Variants in YAF2 observed in about 807,000 individuals in gnomAD.
YAF2 encodes the protein YY1-associated factor 2.
In YAF2, 7 loss-of-function variants were observed where a neutral mutation model predicts 20.1. That is an observed-to-expected ratio of 0.35 (90% CI 0.20 to 0.65). The LOEUF is 0.65. Among genes scored for constraint, YAF2 ranks in the 30% least tolerant of loss-of-function variants. YAF2 has a pLI of 0.69. For synonymous variants in YAF2, 74 were observed against 76.0 expected (o/e 0.97, Z 0.14); for missense variants, 151 against 219.2 (o/e 0.69, Z 1.96).
chr12:42,161,957 GAACA>G (rs1206277832), intron 2 of YAF2, among the ~76,000 whole-genome samples, 192 bp from the exon 3 acceptor site: 1 of 151,934 alleles, frequency 6.6e-6, no homozygotes, highest in Non-Finnish European at 1.5e-5. Context: ...AACAAAAATG[GAACA>G]AACTATAACA....
intron 2 of YAF2, among the ~76,000 whole-genome samples, chr12:42,203,323 C>T (rs145290863): frequency 1.1e-4 from 16 of 152,148 alleles, no homozygotes; most frequent in East Asian, 3.9e-4. Context: ...TATCCAGCAA[C>T]GCTGAATTAT....
chr12:42,220,939 C>T (rs112005724), intron 2 of YAF2, among the ~76,000 whole-genome samples: 2 of 151,906 alleles, frequency 1.3e-5, no homozygotes, highest in Non-Finnish European at 2.9e-5. Context: ...TGGTATTTCT[C>T]CTGAGAAACA....
chr12:42,182,022 T>TA (rs2066354465), intron 2 of YAF2, among the ~76,000 whole-genome samples: 1 of 152,146 alleles, frequency 6.6e-6, no homozygotes, highest in Non-Finnish European at 1.5e-5. Context: ...AGTTTTTGAA[T>TA]AATTTTCAAC....
chr12:42,175,740 C>CAAAAAAGAAAAAAAAAAAAAAAAAAAA (rs2066168653), intron 2 of YAF2, among the ~76,000 whole-genome samples: 1 of 45,016 alleles, frequency 2.2e-5, no homozygotes, highest in Non-Finnish European at 4.2e-5. Flanking sequence ...GACTCTGTCT[C>CAAAAAAGAAAAAAAAAAAAAAAAAAAA]AAAAAAAAAA....
At chr12:42,170,742 G>A (rs750428372) in intron 2 of YAF2, among the ~76,000 whole-genome samples, 1 of 152,162 alleles carries the variant, frequency 6.6e-6, no homozygotes, top group Non-Finnish European at 1.5e-5. Context: ...GCTACTGGGA[G>A]TAAGGGACAG....
In YAF2 at chr12:42,233,725, TTGGTCTCAAACTCC is replaced by T. The variant is rs1216075829; in HGVS notation, c.152+3860_152+3873del. The T allele has an allele frequency of 1.1e-4, 104 of 923,802 alleles. 2 individuals carry two copies. In the African/African-American group the frequency reaches 1.8e-3, roughly 16 times the overall value. The allele number at this position is 923,802 out of a possible 1,614,324, so 57.2% of individuals were successfully genotyped here. Reference sequence around the variant, plus strand: ...ACGAGATCTCACTGTGTTGCCCAGGTTGGTCTCAAACTCCTGGCCTCAAGAAATCCTCCTGTCTC... The same window carrying T: ...ACGAGATCTCACTGTGTTGCCCAGGTTGGCCTCAAGAAATCCTCCTGTCTC... On this transcript the variant is annotated intron_variant, in intron 2 of 3. Coordinates refer to ENST00000534854, the MANE Select transcript of YAF2 (RefSeq NM_005748.6).
intron 2 of YAF2, among the ~76,000 whole-genome samples, chr12:42,236,199 A>G (rs1157063454): frequency 2.6e-5 from 4 of 152,264 alleles, no homozygotes; most frequent in Non-Finnish European, 4.4e-5. Context: ...AAGTACTAAC[A>G]CAGATACACA....
At chr12:42,174,667 G>C (rs546802000) in intron 2 of YAF2, among the ~76,000 whole-genome samples, 1 of 152,194 alleles carries the variant, frequency 6.6e-6, no homozygotes, top group East Asian at 1.9e-4. Flanking sequence ...TTTTATGCAT[G>C]CTAAAAGCAC....
chr12:42,171,538 T>C (rs7965273), intron 2 of YAF2, among the ~76,000 whole-genome samples: 28,043 of 151,832 alleles, frequency 0.18, 2,701 homozygotes, highest in Admixed American at 0.24. Flanking sequence ...GAAAGAAATA[T>C]GTTACTTGTA....
intron 2 of YAF2, among the ~76,000 whole-genome samples, chr12:42,213,380 A>G (rs2067266426): frequency 6.6e-6 from 1 of 152,258 alleles, no homozygotes; most frequent in Admixed American, 6.5e-5. Context: ...AAAGGTGGGA[A>G]AAAGAACAAA....
intron 2 of YAF2, chr12:42,234,710 C>A (rs2068090553): frequency 1.0e-6 from 1 of 984,412 alleles, no homozygotes; most frequent in Non-Finnish European, 1.2e-6. Flanking sequence ...TTTAAAGGGG[C>A]CGAATGGTGG....
chr12:42,172,788 A>C (rs1331740889), intron 2 of YAF2, among the ~76,000 whole-genome samples: 1 of 152,268 alleles, frequency 6.6e-6, no homozygotes, highest in East Asian at 1.9e-4. Flanking sequence ...GTATATTCAT[A>C]AAATGAAATA....
intron 2 of YAF2, among the ~76,000 whole-genome samples, chr12:42,216,492 TC>T (rs2067361877): frequency 6.6e-6 from 1 of 152,130 alleles, no homozygotes; most frequent in Admixed American, 6.6e-5. Context: ...AATTTTTTTT[TC>T]CTTCTCCATT....
At chr12:42,217,056 A>G (rs2067376865) in intron 2 of YAF2, among the ~76,000 whole-genome samples, 1 of 152,178 alleles carries the variant, frequency 6.6e-6, no homozygotes. Context: ...TCTTGCCTAG[A>G]CTATCAAAAT....
chr12:42,210,466 T>C (rs1178374581), intron 2 of YAF2: 2 of 1,535,484 alleles, frequency 1.3e-6, no homozygotes, highest in African/African-American at 2.7e-5. Flanking sequence ...TGAGGGGGCA[T>C]GCAGTACAGA....
At chr12:42,236,644 A>T (rs2068167034) in intron 2 of YAF2, among the ~76,000 whole-genome samples, 1 of 152,232 alleles carries the variant, frequency 6.6e-6, no homozygotes, top group South Asian at 2.1e-4. Flanking sequence ...TCAATATTAC[A>T]TGTGCCTTCT....
At chr12:42,235,773 T>A (rs1390097183) in intron 2 of YAF2, 9 of 1,534,696 alleles carry the variant, frequency 5.9e-6, no homozygotes, top group South Asian at 3.6e-5. Flanking sequence ...AAAAAAAAAA[T>A]GTCAGGGGCC....
At chr12:42,233,716 T>C in intron 2 of YAF2, 1 of 893,820 alleles carries the variant, frequency 1.1e-6, no homozygotes, top group Non-Finnish European at 1.3e-6. Context: ...TCTCACTGTG[T>C]TGCCCAGGTT....
At chr12:42,202,531 T>C (rs763312315) in intron 2 of YAF2, among the ~76,000 whole-genome samples, 1 of 152,240 alleles carries the variant, frequency 6.6e-6, no homozygotes, top group Non-Finnish European at 1.5e-5. Flanking sequence ...AATCCTTGTG[T>C]CTCACTAATT....
Sources: allele counts gnomAD v4.1 joint callset (sites outside exome capture counted in the v4.1 genomes callset), GRCh38; gene constraint gnomAD v4.1.1; transcripts MANE v1.5; gene names NCBI Gene and HGNC (gene_info 2026-07-23, HGNC 2026-07-21).